The following ITGB5 variants were observed in gnomAD, a reference collection of about 807,000 sequenced individuals.
The protein encoded by ITGB5 is integrin beta-5.
In ITGB5, 38 loss-of-function variants were observed where a neutral mutation model predicts 84.8. The observed-to-expected ratio is 0.45, with a 90% CI of 0.35 to 0.59. ITGB5 has a LOEUF of 0.59. Ranked by LOEUF, ITGB5 falls within the 20% of genes least tolerant of loss-of-function variation. The probability of loss-of-function intolerance (pLI) is 0.01; values close to 1 mark genes in which losing one functional copy is unlikely to be tolerated. For synonymous variants in ITGB5, 393 were observed against 414.4 expected (o/e 0.95, Z 0.63); for missense variants, 905 against 1,034.5 (o/e 0.87, Z 1.72).
intron 10 of ITGB5, chr3:124,787,381 ACT>A (rs967561090): frequency 2.6e-5 from 4 of 151,902 alleles, no homozygotes; most frequent in African/African-American, 9.7e-5. Flanking sequence ...GCTTCCCAAC[ACT>A]CTGTTTTTTG....
Position 124,801,379 on chromosome 3 carries a change from A to G in ITGB5, c.1264-4562T>C, listed in dbSNP as rs558884981. Among the ~76,000 whole-genome samples, 3 of 152,234 alleles carry G rather than the reference A, an allele frequency of 2.0e-5. No individual in the cohort carries two copies. In the South Asian group the frequency reaches 6.2e-4, roughly 32 times the overall value. Reference sequence around the variant, plus strand: ...GCTTTCAAGGTTTGATTTAAGCCGTATTTCTCTTTGAGGACATCCCTGCCC... The same window carrying G: ...GCTTTCAAGGTTTGATTTAAGCCGTGTTTCTCTTTGAGGACATCCCTGCCC... On this transcript the variant is annotated intron_variant, in intron 9 of 14. Transcript: ENST00000296181.
At chr3:124,864,588 C>T (rs1372362614) in intron 2 of ITGB5, among the ~76,000 whole-genome samples, 5 of 152,092 alleles carry the variant, frequency 3.3e-5, no homozygotes, top group African/African-American at 7.2e-5. Context: ...TGAGCACCCA[C>T]AGACATAAAC....
Position 124,796,748 on chromosome 3 carries a change from G to T in ITGB5, c.1333C>A (p.Arg445=), listed in dbSNP as rs769074818. 5.0e-6 allele frequency: 8 copies of T among 1,614,068 alleles called. No homozygotes were observed. Among genetic ancestry groups the T allele is most frequent in the Non-Finnish European group, 5.9e-6 (7 of 1,180,016 alleles). ...SRHTEHVFAL[R]PVGFRDSLEV... The stretch of plus-strand genomic sequence containing the variant: ...AGGCTGTCCCGGAATCCCACCGGCC[G>T]CAGGGCAAACACATGCTCCGTGTGT... Residue 445 remains arginine (R), a synonymous_variant, in exon 10 of 15, where the codon CGG becomes AGG. Coordinates refer to ENST00000296181, the MANE Select transcript of ITGB5 (RefSeq NM_002213.5).
intron 1 of ITGB5, among the ~76,000 whole-genome samples, chr3:124,881,119 G>A (rs755585083): frequency 6.6e-6 from 1 of 151,670 alleles, no homozygotes; most frequent in African/African-American, 2.4e-5. Flanking sequence ...GAGTAGCTGG[G>A]ATTACAGGTG....
rs1934546099 is a variant in ITGB5 at position 124,881,092 on chromosome 3, T to A, written c.70+5839A>T. Among the ~76,000 whole-genome samples, 3 of 152,022 alleles carry A rather than the reference T, an allele frequency of 2.0e-5. No individual in the cohort carries two copies. In the South Asian group the frequency reaches 6.3e-4, roughly 32 times the overall value. On this transcript the variant is annotated intron_variant, in intron 1 of 14. Coordinates refer to ENST00000296181, the MANE Select transcript of ITGB5 (RefSeq NM_002213.5). The stretch of plus-strand genomic sequence containing the variant: ...TCGGCCTCCAAAGTTCAAGCGATCC[T>A]CCTGCCTCAGCCTCCTGAGTAGCTG...
intron 7 of ITGB5, among the ~76,000 whole-genome samples, chr3:124,817,915 A>T (rs1185432105): frequency 6.6e-6 from 1 of 152,142 alleles, no homozygotes; most frequent in African/African-American, 2.4e-5. Context: ...GCCGTGGAAT[A>T]TCCAGCCCTA....
intron 1 of ITGB5, among the ~76,000 whole-genome samples, chr3:124,898,757 G>A (rs1302174712): frequency 1.3e-4 from 13 of 103,172 alleles, no homozygotes; most frequent in Admixed American, 6.7e-4. Context: ...CAGCAAAACC[G>A]CAAAACCCCA....
chr3:124,841,652 T>A, intron 4 of ITGB5, 101 bp from the exon 5 acceptor site: 1 of 1,140,538 alleles, frequency 8.8e-7, no homozygotes, highest in Non-Finnish European at 1.3e-6. Context: ...CACCAATAAC[T>A]ATTTACCCAG....
At chr3:124,857,710 A>G (rs2065238611) in intron 3 of ITGB5, among the ~76,000 whole-genome samples, 1 of 152,224 alleles carries the variant, frequency 6.6e-6, no homozygotes. Flanking sequence ...GGCTTCTAAT[A>G]TGCAGAATAT....
chr3:124,800,809 G>A (rs758007238), intron 9 of ITGB5, among the ~76,000 whole-genome samples: 109 of 152,332 alleles, frequency 7.2e-4, no homozygotes, highest in African/African-American at 1.9e-3. Flanking sequence ...AGGCCTCTTC[G>A]AGTCCCTCCC....
intron 1 of ITGB5, among the ~76,000 whole-genome samples, chr3:124,876,643 G>A (rs982438297): frequency 6.6e-6 from 1 of 152,232 alleles, no homozygotes; most frequent in South Asian, 2.1e-4. Context: ...TAGGAAGAAA[G>A]GAAGAGAGGC....
intron 10 of ITGB5, among the ~76,000 whole-genome samples, chr3:124,787,910 T>C (rs1055000282): frequency 1.4e-5 from 1 of 69,026 alleles, no homozygotes; most frequent in Non-Finnish European, 2.5e-5. Context: ...CAGATAGCTC[T>C]TTTTTTTTTT....
At chr3:124,894,623 A>G (rs1474690805) in intron 1 of ITGB5, 1 of 152,086 alleles carries the variant, frequency 6.6e-6, no homozygotes, top group African/African-American at 2.4e-5. Flanking sequence ...CTTTTCCTGG[A>G]TGTTTTCTCA....
Position 124,822,331 on chromosome 3 carries a change from C to T in ITGB5, c.781-857G>A, listed in dbSNP as rs926516931. On this transcript the variant is annotated intron_variant, in intron 5 of 14. Transcript: ENST00000296181. ...GGTGAACGGGCATCCCCAAATGCGT[C>T]GGTAGCAGCATGAATAAATGAAGGA... 9.9e-5 allele frequency among the ~76,000 whole-genome samples: 15 copies of T among 152,272 alleles called. No individual in the cohort carries two copies. The South Asian group carries it at 1.0e-3, about 11-fold the overall frequency.
intron 3 of ITGB5, among the ~76,000 whole-genome samples, chr3:124,858,830 C>T (rs187016832): frequency 2.0e-3 from 310 of 152,126 alleles, no homozygotes; most frequent in Non-Finnish European, 3.2e-3. Flanking sequence ...ATGCTGGTTA[C>T]CAGGAACCAA....
chr3:124,806,073 C>A (rs1470277218), intron 9 of ITGB5, among the ~76,000 whole-genome samples: 1 of 152,192 alleles, frequency 6.6e-6, no homozygotes, highest in African/African-American at 2.4e-5. Flanking sequence ...GTCAAGTCCT[C>A]CCTCTGGCTG....
chr3:124,858,133 CA>C (rs63273260), intron 3 of ITGB5, among the ~76,000 whole-genome samples: 3,275 of 83,792 alleles, frequency 0.039, 106 homozygotes, highest in African/African-American at 0.13. Flanking sequence ...TACCCCATCT[CA>C]AAAAAAAAAA....
intron 10 of ITGB5, 21 bp from the exon 11 acceptor site, chr3:124,773,933 C>T (rs368846224): frequency 2.2e-5 from 35 of 1,606,082 alleles, no homozygotes; most frequent in Non-Finnish European, 1.5e-5. Flanking sequence ...ACATGTGGCA[C>T]ATCAGCACCT....
chr3:124,887,007 G>A lies in ITGB5; in HGVS notation c.-7C>T. ...GCGCCGGGGCCCGCGGCATGGTGGGGCGCCTCCCTCAGCGGCGGCGCGGTC... is the reference window on the plus strand; with the variant it reads ...GCGCCGGGGCCCGCGGCATGGTGGGACGCCTCCCTCAGCGGCGGCGCGGTC... On this transcript the variant is annotated 5_prime_UTR_variant, in exon 1 of 15. Transcript: ENST00000296181. 8.5e-7 allele frequency: 1 copy of A among 1,176,442 alleles called. No individual in the cohort carries two copies. The highest frequency in any genetic ancestry group is 1.0e-6 in the Non-Finnish European group (1 of 952,676). The allele number at this position is 1,176,442 out of a possible 1,614,324, so 72.9% of individuals were successfully genotyped here.
Sources: allele counts gnomAD v4.1 joint callset (sites outside exome capture counted in the v4.1 genomes callset), GRCh38; gene constraint gnomAD v4.1.1; transcripts MANE v1.5; gene names NCBI Gene and HGNC (gene_info 2026-07-23, HGNC 2026-07-21).